Variants in ARHGAP29 observed in about 807,000 individuals in gnomAD.
ARHGAP29 encodes the protein rho GTPase-activating protein 29.
ARHGAP29 carries 43 observed loss-of-function variants against 122.6 expected under a neutral mutation model. That is an observed-to-expected ratio of 0.35 (90% CI 0.27 to 0.45). The LOEUF is 0.45. ARHGAP29 is among the 20% of genes least tolerant of loss of function. The pLI is 1.00. For synonymous variants in ARHGAP29, 506 were observed against 497.1 expected (o/e 1.02, Z -0.24); for missense variants, 1,303 against 1,477.2 (o/e 0.88, Z 1.93).
chr1:94,215,473 T>C (rs1263944051), intron 3 of ARHGAP29, among the ~76,000 whole-genome samples: 1 of 152,042 alleles, frequency 6.6e-6, no homozygotes, highest in Non-Finnish European at 1.5e-5. Context: ...GGCATACAAC[T>C]AAACAAATCA....
At chr1:94,211,318 A>G (rs1373217132) in intron 3 of ARHGAP29, among the ~76,000 whole-genome samples, 1 of 140,188 alleles carries the variant, frequency 7.1e-6, no homozygotes, top group African/African-American at 2.5e-5. Flanking sequence ...AAAAAAGGAC[A>G]TAACAATTCC....
chr1:94,272,213 G>T (rs1268613158), intron 1 of ARHGAP29, among the ~76,000 whole-genome samples: 1 of 152,214 alleles, frequency 6.6e-6, no homozygotes, highest in Non-Finnish European at 1.5e-5. Context: ...ACTTAGCCTG[G>T]ATAGTAGAGG....
intron 1 of ARHGAP29, among the ~76,000 whole-genome samples, chr1:94,270,893 T>G (rs1570629981): frequency 6.6e-6 from 1 of 152,224 alleles, no homozygotes; most frequent in Non-Finnish European, 1.5e-5. Flanking sequence ...GAATATATAT[T>G]AGTCATCTAT....
chr1:94,270,289 C>T (rs75276906), intron 1 of ARHGAP29, among the ~76,000 whole-genome samples: 4,004 of 152,238 alleles, frequency 0.026, 179 homozygotes, highest in African/African-American at 0.091. Flanking sequence ...AAGCAAGAGA[C>T]ATAGCACTAC....
chr1:94,293,102 G>A, the ARHGAP29 span, among the ~76,000 whole-genome samples: 2 of 152,276 alleles, frequency 1.3e-5, no homozygotes, highest in Admixed American at 6.5e-5. Flanking sequence ...TTGCTGAGCT[G>A]TGGTGGGCTC....
chr1:94,201,457 C>G (rs549787707), intron 12 of ARHGAP29, among the ~76,000 whole-genome samples: 218 of 151,760 alleles, frequency 1.4e-3, no homozygotes, highest in African/African-American at 5.0e-3. Context: ...CCCTCCCTCC[C>G]TTCCTTCCTC....
rs982758437 is a variant in ARHGAP29 at position 94,169,951 on chromosome 1, T to C, written c.*3918A>G. ...AATAAAGCAGGCATTCATGAATCTA[T>C]ACTGATTTAAGTGAATGAAGGAATA... On this transcript the variant is annotated 3_prime_UTR_variant, in exon 23 of 23. Coordinates refer to ENST00000260526, the MANE Select transcript of ARHGAP29 (RefSeq NM_004815.4). Among the ~76,000 whole-genome samples, 6 of 152,190 alleles carry C rather than the reference T, an allele frequency of 3.9e-5. No homozygotes were observed. The highest frequency in any genetic ancestry group is 9.7e-5 in the African/African-American group (4 of 41,442).
At chr1:94,177,471 T>A (rs986369662) in intron 22 of ARHGAP29, 141 bp downstream of exon 22, 57 of 545,434 alleles carry the variant, frequency 1.0e-4, no homozygotes, top group Non-Finnish European at 1.6e-4. Context: ...GGCAACTTTC[T>A]CAATGGCTAG....
Position 94,172,614 on chromosome 1 carries a change from T to TAC in ARHGAP29, c.*1254_*1255insGT, listed in dbSNP as rs1388015013. 6.9e-6 allele frequency: 1 copy of TAC among 145,610 alleles called. No homozygotes were observed. The highest frequency in any genetic ancestry group is 1.5e-5 in the Non-Finnish European group (1 of 67,230). 9.0% of individuals were successfully genotyped at this position (145,610 alleles called of 1,614,324 possible). On this transcript the variant is annotated 3_prime_UTR_variant, in exon 23 of 23. Transcript: ENST00000260526. Reference sequence around the variant, plus strand: ...AACATGAAATAATTTAACAAGTTGATATATATATATATATATATTATCAAG... The same window carrying TAC: ...AACATGAAATAATTTAACAAGTTGATACATATATATATATATATATTATCAAG...
At chr1:94,183,728 G>A (rs1198595227) in intron 19 of ARHGAP29, among the ~76,000 whole-genome samples, 4 of 152,132 alleles carry the variant, frequency 2.6e-5, no homozygotes, top group Non-Finnish European at 4.4e-5. Context: ...TGTGGATACT[G>A]GGATTTCCTT....
rs183728155 is a variant in ARHGAP29 at position 94,184,310 on chromosome 1, T to G, written c.2110-22A>C. On this transcript the variant is annotated intron_variant, in intron 18 of 22. Transcript: ENST00000260526. ...TTCCCTTCAATAGAAAAGAAAAAAA[T>G]TTTGCAAAATTCTTCTTTAGTACAA... The G allele has an allele frequency of 1.9e-6, 3 of 1,581,214 alleles. No homozygotes were observed. The South Asian group carries it at 3.6e-5, about 19-fold the overall frequency.
At chr1:94,222,518 G>A (rs1432215914) in intron 2 of ARHGAP29, among the ~76,000 whole-genome samples, 1 of 152,128 alleles carries the variant, frequency 6.6e-6, no homozygotes, top group East Asian at 1.9e-4. Flanking sequence ...GGAGAAAAAC[G>A]TCAGGCAAAT....
chr1:94,288,104 C>A, the ARHGAP29 span, among the ~76,000 whole-genome samples: 4 of 152,196 alleles, frequency 2.6e-5, no homozygotes, highest in Non-Finnish European at 5.9e-5. Context: ...CTAATTTACA[C>A]TCCCACCAAC....
the ARHGAP29 span, chr1:94,302,205 C>A: frequency 3.8e-6 from 1 of 266,218 alleles, no homozygotes. Context: ...ACAGCAAGTT[C>A]CACTGCACCA....
At chr1:94,177,800 T>C (rs966472442) in intron 21 of ARHGAP29, 52 bp downstream of exon 21, 3 of 1,549,466 alleles carry the variant, frequency 1.9e-6, no homozygotes, top group East Asian at 2.3e-5. Flanking sequence ...CTTTAACTTA[T>C]TAACATAAAT....
chr1:94,220,428 C>A, intron 2 of ARHGAP29, 36 bp from the exon 3 acceptor site: 1 of 1,504,610 alleles, frequency 6.6e-7, no homozygotes. Flanking sequence ...ATTTCCAGAG[C>A]AAAGTTCCAC....
the ARHGAP29 span, among the ~76,000 whole-genome samples, chr1:94,308,928 C>T: frequency 6.6e-6 from 1 of 152,156 alleles, no homozygotes; most frequent in Admixed American, 6.5e-5. Context: ...TCATAAGTTT[C>T]CTCAGGAGGT....
the ARHGAP29 span, among the ~76,000 whole-genome samples, chr1:94,289,204 C>T: frequency 4.6e-5 from 7 of 152,198 alleles, no homozygotes; most frequent in East Asian, 1.3e-3. Context: ...AGATCCTTCA[C>T]ATCCCTTGTA....
chr1:94,282,715 G>A, the ARHGAP29 span, among the ~76,000 whole-genome samples: 3 of 152,152 alleles, frequency 2.0e-5, no homozygotes, highest in African/African-American at 7.2e-5. Context: ...AGAGGTCCAT[G>A]GCCCTGAGGT....
Sources: gnomAD v4.1 joint callset for allele counts (sites outside exome capture counted in the v4.1 genomes callset) on GRCh38, gnomAD v4.1.1 for gene constraint, MANE v1.5 for transcripts, NCBI Gene and HGNC (gene_info 2026-07-23, HGNC 2026-07-21) for gene names.